The following GMNC variants were observed in gnomAD, a reference collection of about 807,000 sequenced individuals.
GMNC encodes geminin coiled-coil domain containing.
In GMNC, 16 loss-of-function variants were observed where a neutral mutation model predicts 33.6. The ratio of observed to expected loss-of-function variants is 0.48; its 90% CI spans 0.32 to 0.72. The LOEUF is 0.72. Ranked by LOEUF, GMNC falls within the 30% of genes least tolerant of loss-of-function variation. The pLI is 0.03. For synonymous variants in GMNC, 156 were observed against 147.3 expected (o/e 1.06, Z -0.43); for missense variants, 393 against 388.9 (o/e 1.01, Z -0.09).
Position 190,855,755 on chromosome 3 carries a change from C to T in GMNC, c.545G>A (p.Gly182Glu). ...SEFANCEEQA[G>E]PPVDPWVLQT... ...AAGGACCCAGGGATCCACAGGGGGC[C>T]CAGCTTGTTCTTCACAGTTAGCAAA... The change falls in exon 5 of 5, where the codon GGG (glycine) becomes GAG (glutamate). Residue 182 changes from glycine (G) to glutamate (E), a missense_variant. Physicochemically the swap from Gly to Glu is moderately conservative, Grantham distance 98. Coordinates refer to ENST00000442080, the MANE Select transcript of GMNC (RefSeq NM_001146686.3). 1 of 1,551,428 alleles carries T rather than the reference C, an allele frequency of 6.4e-7. No individual in the cohort carries two copies.
chr3:190,862,485 T>A lies in GMNC; in HGVS notation c.3+128A>T, dbSNP rs1018933971. 6.1e-5 allele frequency: 45 copies of A among 741,118 alleles called. No homozygotes were observed. The highest frequency in any genetic ancestry group is 1.0e-4 in the Non-Finnish European group (42 of 407,816). 45.9% of individuals were successfully genotyped at this position (741,118 alleles called of 1,614,324 possible). Reference sequence around the variant, plus strand: ...AAGAGACACAGGGCAGCAGAGAGGATCTGTTTTAACTGGCGGGTAGCGGAG... The same window carrying A: ...AAGAGACACAGGGCAGCAGAGAGGAACTGTTTTAACTGGCGGGTAGCGGAG... On this transcript the variant is annotated intron_variant, in intron 1 of 4. Coordinates refer to ENST00000442080, the MANE Select transcript of GMNC (RefSeq NM_001146686.3). This position sits in a 1 kb window ranked among gnomAD's most constrained non-coding sequence, Gnocchi z 4.5.
intron 4 of GMNC, among the ~76,000 whole-genome samples, chr3:190,856,564 G>A (rs9830307): frequency 6.8e-6 from 1 of 147,812 alleles, no homozygotes; most frequent in Non-Finnish European, 1.5e-5. Context: ...AATTTATAAA[G>A]CACTGATTAC....
Position 190,854,333 on chromosome 3 carries a change from A to G in GMNC, c.*962T>C, listed in dbSNP as rs1737687429. 6.6e-6 allele frequency: 1 copy of G among 152,138 alleles called. No individual in the cohort carries two copies. Among genetic ancestry groups the G allele is most frequent in the African/African-American group, 2.4e-5 (1 of 41,442 alleles). The allele number at this position is 152,138 out of a possible 1,614,324, so 9.4% of individuals were successfully genotyped here. On this transcript the variant is annotated 3_prime_UTR_variant, in exon 5 of 5. Transcript: ENST00000442080. ...GTGTCTAAATTGCTTGTATTTTATC[A>G]CCATCACATAGCATAGTGCCTGGTA...
chr3:190,860,617 T>C (rs1461152045), intron 2 of GMNC, 67 bp downstream of exon 2: 2 of 1,369,546 alleles, frequency 1.5e-6, no homozygotes, highest in South Asian at 1.5e-5. Context: ...CAGCCCATGA[T>C]GCTCCGCAGC....
chr3:190,858,290 G>A (rs9812342), intron 3 of GMNC, among the ~76,000 whole-genome samples: 60,937 of 151,790 alleles, frequency 0.4, 13,855 homozygotes, highest in African/African-American at 0.63. Flanking sequence ...GAGGTGGGTC[G>A]CCTTTTTTCA....
intron 3 of GMNC, 166 bp from the exon 4 acceptor site, chr3:190,858,065 C>G: frequency 1.7e-6 from 1 of 600,188 alleles, no homozygotes; most frequent in Non-Finnish European, 3.0e-6. Context: ...CTACATCCCC[C>G]TAATGCCTAG....
rs1362824853 is a variant in GMNC at position 190,854,394 on chromosome 3, G to T, written c.*901C>A. 6.6e-6 allele frequency: 1 copy of T among 152,136 alleles called. No individual in the cohort carries two copies. Among genetic ancestry groups the T allele is most frequent in the Non-Finnish European group, 1.5e-5 (1 of 68,022 alleles). The allele number at this position is 152,136 out of a possible 1,614,324, so 9.4% of individuals were successfully genotyped here. A position where few individuals can be genotyped will look rare whatever the true frequency, so the allele number is the denominator to read the frequency against. On this transcript the variant is annotated 3_prime_UTR_variant, in exon 5 of 5. Transcript: ENST00000442080. Reference sequence around the variant, plus strand: ...ATTAGGTATTCTACAGATTTCTTGGGTGGACTGATCAATGAAAAAATGAAT... The same window carrying T: ...ATTAGGTATTCTACAGATTTCTTGGTTGGACTGATCAATGAAAAAATGAAT...
rs112935884 is a variant in GMNC at position 190,854,882 on chromosome 3, A to G, written c.*413T>C. On this transcript the variant is annotated 3_prime_UTR_variant, in exon 5 of 5. Coordinates refer to ENST00000442080, the MANE Select transcript of GMNC (RefSeq NM_001146686.3). ...AGCAAAAATAGGGCTCATTCTAAAG[A>G]CAGTTTTCAGAAATGACAAAGGGAG... The G allele has an allele frequency of 0.014, 2,792 of 194,748 alleles. 44 individuals are homozygous for G. The highest frequency in any genetic ancestry group is 0.039 in the South Asian group (397 of 10,088). 12.1% of individuals were successfully genotyped at this position (194,748 alleles called of 1,614,324 possible).
In GMNC at chr3:190,852,765, TA is replaced by T. The variant is rs1737654755; in HGVS notation, c.*2529del. ...TGCTATTAGGGAATGTTAAGCATGG[TA>T]TAAAAATAGTTACCGCAATCACAAA... On this transcript the variant is annotated 3_prime_UTR_variant, in exon 5 of 5. Transcript: ENST00000442080. The T allele has an allele frequency of 6.6e-6, 1 of 152,104 alleles. No individual in the cohort carries two copies. Among genetic ancestry groups the T allele is most frequent in the African/African-American group, 2.4e-5 (1 of 41,440 alleles). The allele number at this position is 152,104 out of a possible 1,614,324, so 9.4% of individuals were successfully genotyped here. A position where few individuals can be genotyped will look rare whatever the true frequency, so the allele number is the denominator to read the frequency against.
In GMNC at chr3:190,861,701, C is replaced by G. The variant is rs1336172828; in HGVS notation, c.4-843G>C. Among the ~76,000 whole-genome samples the G allele has an allele frequency of 6.6e-6, 1 of 152,202 alleles. No individual in the cohort carries two copies. The highest frequency in any genetic ancestry group is 1.5e-5 in the Non-Finnish European group (1 of 68,032). On this transcript the variant is annotated intron_variant, in intron 1 of 4. Transcript: ENST00000442080. This position sits in a 1 kb window ranked among gnomAD's most constrained non-coding sequence, Gnocchi z 5.1. ...GCCATTAACTGGCATGTATTCTCCA[C>G]TGTGTTCTGATCCAGTGAACACTCT... is the stretch of plus-strand genomic sequence containing the variant.
the GMNC span, among the ~76,000 whole-genome samples, chr3:190,846,709 C>A: frequency 6.6e-6 from 1 of 152,202 alleles, no homozygotes; most frequent in Non-Finnish European, 1.5e-5. Context: ...ATTTGTCCAA[C>A]TAATATTTCA....
chr3:190,845,508 CTTTTT>C, the GMNC span, among the ~76,000 whole-genome samples: 48 of 125,794 alleles, frequency 3.8e-4, no homozygotes, highest in African/African-American at 1.4e-3. Context: ...ATTTTGAAAC[CTTTTT>C]TTTTTTTTTT....
At chr3:190,852,588 G>T (rs1403796846), downstream of GMNC, among the ~76,000 whole-genome samples, 1 of 152,064 alleles carries the variant, frequency 6.6e-6, no homozygotes, top group Non-Finnish European at 1.5e-5. Flanking sequence ...TGGACTCTAA[G>T]CCACTTAACA....
chr3:190,862,362 A>AAGAGAGAGAG lies in GMNC; in HGVS notation c.3+241_3+250dup, dbSNP rs371567527. Among the ~76,000 whole-genome samples the AAGAGAGAGAG allele has an allele frequency of 6.1e-5, 9 of 147,548 alleles. No individual in the cohort carries two copies. The highest frequency in any genetic ancestry group is 1.1e-4 in the Non-Finnish European group (7 of 66,146). ...AAGTAAGGAAAGTAGTAATAACAGA[A>AAGAGAGAGAG]AGAGAGAGAGAGGGCGAGAGAGAGA... On this transcript the variant is annotated intron_variant, in intron 1 of 4. Coordinates refer to ENST00000442080, the MANE Select transcript of GMNC (RefSeq NM_001146686.3). This position sits in a 1 kb window ranked among gnomAD's most constrained non-coding sequence, Gnocchi z 4.5.
chr3:190,856,239 T>G lies in GMNC; in HGVS notation c.385-324A>C, dbSNP rs1284705774. ...ACTATCATTTATTTATAAATAATACTTATATTTATTTATAAATATTTATAA... is the reference window on the plus strand; with the variant it reads ...ACTATCATTTATTTATAAATAATACGTATATTTATTTATAAATATTTATAA... On this transcript the variant is annotated intron_variant, in intron 4 of 4. Transcript: ENST00000442080. Among the ~76,000 whole-genome samples, 5 of 143,180 alleles carry G rather than the reference T, an allele frequency of 3.5e-5. No homozygotes were observed. The South Asian group carries it at 1.1e-3, about 31-fold the overall frequency. 93.9% of individuals were successfully genotyped at this position (143,180 alleles called of 152,430 possible).
At chr3:190,845,871 G>A in the GMNC span, among the ~76,000 whole-genome samples, 1 of 152,134 alleles carries the variant, frequency 6.6e-6, no homozygotes, top group South Asian at 2.1e-4. Flanking sequence ...AATAAGCAGT[G>A]AAAACGTGTA....
chr3:190,861,968 GA>G lies in GMNC; in HGVS notation c.3+644del, dbSNP rs914644599. Among the ~76,000 whole-genome samples, 6 of 151,438 alleles carry G rather than the reference GA, an allele frequency of 4.0e-5. No homozygotes were observed. Among genetic ancestry groups the G allele is most frequent in the East Asian group, 1.9e-4 (1 of 5,154 alleles). On this transcript the variant is annotated intron_variant, in intron 1 of 4. Transcript: ENST00000442080. The surrounding 1 kb of genome is among the most constrained non-coding windows in gnomAD (Gnocchi z 5.1). ...AGAAAACAAATAAGAAGAAAAAAGA[GA>G]AAAAAAAGTTAAGTCAATTCAATCG... is the stretch of plus-strand genomic sequence containing the variant.
chr3:190,845,596 G>A, the GMNC span, among the ~76,000 whole-genome samples: 3 of 136,488 alleles, frequency 2.2e-5, no homozygotes, highest in South Asian at 2.4e-4. Flanking sequence ...TGCAACCTCC[G>A]CTTCCCGGGT....
the GMNC span, among the ~76,000 whole-genome samples, chr3:190,846,247 A>G: frequency 6.6e-6 from 1 of 152,218 alleles, no homozygotes; most frequent in Non-Finnish European, 1.5e-5. Context: ...AGAGAAAGAA[A>G]GAAAAGAAAA....
Sources: gnomAD v4.1 joint callset for allele counts (sites outside exome capture counted in the v4.1 genomes callset) on GRCh38, gnomAD v4.1.1 for gene constraint, Gnocchi (gnomAD v3.1) non-coding constraint, MANE v1.5 for transcripts, NCBI Gene and HGNC (gene_info 2026-07-23, HGNC 2026-07-21) for gene names.